The following PLBD1 variants were observed in gnomAD, a reference collection of about 807,000 sequenced individuals.
PLBD1 encodes lysosomal leucine aminopeptidase.
PLBD1 carries 60 observed loss-of-function variants against 63.0 expected under a neutral mutation model. The observed-to-expected ratio is 0.95, with a 90% CI of 0.77 to 1.18. The LOEUF is 1.18. Among genes scored for constraint, PLBD1 ranks in the 50% most tolerant of loss-of-function variants. The pLI, the probability that PLBD1 is intolerant of heterozygous loss-of-function variation, is 0.00. For synonymous variants in PLBD1, 262 were observed against 248.0 expected, an observed-to-expected ratio of 1.06 and a Z score of -0.53; for missense variants, 598 against 677.9, an observed-to-expected ratio of 0.88 and a Z score of 1.31.
At chr12:14,506,314 GAC>G (rs751593849) in intron 9 of PLBD1, 46 bp from the exon 10 acceptor site, 2 of 1,365,216 alleles carry the variant, frequency 1.5e-6, no homozygotes, top group East Asian at 2.3e-5. Flanking sequence ...GCTATTTGGA[GAC>G]ACACTTCTCC....
At chr12:14,548,998 G>A (rs1364303146) in intron 2 of PLBD1, among the ~76,000 whole-genome samples, 1 of 152,192 alleles carries the variant, frequency 6.6e-6, no homozygotes. Context: ...TTATTTAACA[G>A]TCTTTATATC....
chr12:14,555,411 C>T (rs542816250), intron 1 of PLBD1, among the ~76,000 whole-genome samples: 2 of 152,236 alleles, frequency 1.3e-5, no homozygotes, highest in East Asian at 3.9e-4. Flanking sequence ...GTGGTGTGCG[C>T]CTGTAATCCC....
At chr12:14,530,423 C>T (rs563684903) in intron 6 of PLBD1, among the ~76,000 whole-genome samples, 9 of 152,138 alleles carry the variant, frequency 5.9e-5, no homozygotes, top group Non-Finnish European at 1.0e-4. Context: ...TTGTTTTTAG[C>T]CACTAATGTT....
Position 14,553,195 on chromosome 12 carries a change from G to A in PLBD1, c.333C>T (p.Ala111=). 3 of 1,608,146 alleles carry A rather than the reference G, an allele frequency of 1.9e-6. No homozygotes were observed. The highest frequency in any genetic ancestry group is 2.5e-6 in the Non-Finnish European group (3 of 1,177,472). ...TCTACCATGACTGGGATACTTACGG[G>A]GCAGTGAGGTAACCCTCCAAAAAGC... The part of the protein sequence containing the change: ...VAGFLEGYLT[A]PHMNDHYTNL... The change falls in exon 2 of 11, where the codon GCC becomes GCT. Residue 111 remains alanine, a splice_region_variant and synonymous_variant. Transcript: ENST00000240617.
In PLBD1 at chr12:14,567,843, G is replaced by C. The variant is rs1945808408; in HGVS notation, c.-147C>G. On this transcript the variant is annotated 5_prime_UTR_variant, in exon 1 of 11. Transcript: ENST00000240617. ...TCAACTTTCCTCTTTCTTGAGCCCG[G>C]CCTGCTCCGGGCTCTGAGGGGCGAG... is the stretch of plus-strand genomic sequence containing the variant. 1.7e-6 allele frequency: 2 copies of C among 1,149,272 alleles called. No individual in the cohort carries two copies. Among genetic ancestry groups the C allele is most frequent in the East Asian group, 6.5e-5 (2 of 30,844 alleles). The allele number at this position is 1,149,272 out of a possible 1,614,324, so 71.2% of individuals were successfully genotyped here. A position where few individuals can be genotyped will look rare whatever the true frequency, so the allele number is the denominator to read the frequency against.
At chr12:14,534,210 T>TG (rs1945491212) in intron 6 of PLBD1, among the ~76,000 whole-genome samples, 1 of 152,138 alleles carries the variant, frequency 6.6e-6, no homozygotes, top group African/African-American at 2.4e-5. Flanking sequence ...TAGATAGATA[T>TG]GACAGGTGGT....
At chr12:14,567,454 G>C in intron 1 of PLBD1, 128 bp downstream of exon 1, 1 of 1,297,996 alleles carries the variant, frequency 7.7e-7, no homozygotes, top group Non-Finnish European at 9.9e-7. Flanking sequence ...CCGGAGGCGC[G>C]TTTCTCTGAG....
chr12:14,518,946 A>G (rs1390170525), intron 6 of PLBD1, among the ~76,000 whole-genome samples: 1 of 152,224 alleles, frequency 6.6e-6, no homozygotes, highest in East Asian at 1.9e-4. Context: ...AGCCAAAAAA[A>G]AAATGCTCGT....
chr12:14,525,288 A>C (rs1244058449), intron 6 of PLBD1, among the ~76,000 whole-genome samples: 1 of 152,078 alleles, frequency 6.6e-6, no homozygotes, highest in Non-Finnish European at 1.5e-5. Context: ...ATAAAATAAA[A>C]TAAACAAAAA....
At chr12:14,548,133 A>G (rs1945629280) in intron 2 of PLBD1, among the ~76,000 whole-genome samples, 1 of 152,114 alleles carries the variant, frequency 6.6e-6, no homozygotes, top group Non-Finnish European at 1.5e-5. Context: ...TTAAGTTACA[A>G]ATAATTACAA....
chr12:14,554,463 T>C (rs1303847645), intron 1 of PLBD1, among the ~76,000 whole-genome samples: 1 of 152,196 alleles, frequency 6.6e-6, no homozygotes, highest in Non-Finnish European at 1.5e-5. Context: ...CTAGAATCTC[T>C]CACTCCCTTC....
intron 6 of PLBD1, among the ~76,000 whole-genome samples, chr12:14,531,411 T>C (rs920224836): frequency 5.9e-5 from 9 of 152,190 alleles, no homozygotes; most frequent in Non-Finnish European, 1.5e-5. Flanking sequence ...CATCTACCAC[T>C]CTACCTGTGA....
In PLBD1 at chr12:14,567,862, G is replaced by A; in HGVS notation, c.-166C>T. 1 of 964,306 alleles carries A rather than the reference G, an allele frequency of 1.0e-6. No homozygotes were observed. Among genetic ancestry groups the A allele is most frequent in the East Asian group, 3.3e-5 (1 of 29,874 alleles). The allele number at this position is 964,306 out of a possible 1,614,324, so 59.7% of individuals were successfully genotyped here. A position where few individuals can be genotyped will look rare whatever the true frequency, so the allele number is the denominator to read the frequency against. The stretch of plus-strand genomic sequence containing the variant: ...AGCCCGGCCTGCTCCGGGCTCTGAG[G>A]GGCGAGGACGCTTCACGTGGTGGCC... On this transcript the variant is annotated 5_prime_UTR_variant, in exon 1 of 11. Coordinates refer to ENST00000240617, the MANE Select transcript of PLBD1 (RefSeq NM_024829.6).
chr12:14,538,342 C>A (rs1269523416), intron 4 of PLBD1, among the ~76,000 whole-genome samples: 1 of 4,876 alleles, frequency 2.1e-4, no homozygotes, highest in East Asian at 0.25. Flanking sequence ...TACAGGTGCC[C>A]GCCCCATGTC....
At chr12:14,564,187 C>T (rs1565582595) in intron 1 of PLBD1, among the ~76,000 whole-genome samples, 2 of 152,070 alleles carry the variant, frequency 1.3e-5, no homozygotes, top group Non-Finnish European at 2.9e-5. Flanking sequence ...GCCTGGGTGA[C>T]AGAGCAAGGC....
At chr12:14,547,291 G>A (rs1479582369) in intron 2 of PLBD1, among the ~76,000 whole-genome samples, 1 of 151,802 alleles carries the variant, frequency 6.6e-6, no homozygotes, top group African/African-American at 2.4e-5. Context: ...GATGAGAAGT[G>A]GGGGCCTCAG....
intron 6 of PLBD1, among the ~76,000 whole-genome samples, chr12:14,516,024 G>A (rs542974364): frequency 4.9e-4 from 73 of 150,280 alleles, no homozygotes; most frequent in African/African-American, 1.8e-3. Flanking sequence ...GCAACAGAGC[G>A]AGACTCCATC....
chr12:14,517,978 C>T (rs978590723), intron 6 of PLBD1, among the ~76,000 whole-genome samples: 3 of 152,050 alleles, frequency 2.0e-5, no homozygotes, highest in Non-Finnish European at 2.9e-5. Flanking sequence ...GCCAGGAGTT[C>T]GAGACCAGCC....
chr12:14,510,629 GA>G lies in PLBD1; in HGVS notation c.1186+630del, dbSNP rs528138914. ...ATTCAGTTTTATAGATGAGGAAAAT[GA>G]GGCTTGGAGAGATTCACTAATTTGC... On this transcript the variant is annotated intron_variant, in intron 8 of 10. Coordinates refer to ENST00000240617, the MANE Select transcript of PLBD1 (RefSeq NM_024829.6). Among the ~76,000 whole-genome samples the G allele has an allele frequency of 4.3e-4, 66 of 152,344 alleles. No individual in the cohort carries two copies. The Middle Eastern group carries it at 0.01, about 24-fold the overall frequency.
Sources: gnomAD v4.1 joint callset for allele counts (sites outside exome capture counted in the v4.1 genomes callset) on GRCh38, gnomAD v4.1.1 for gene constraint, MANE v1.5 for transcripts, NCBI Gene and HGNC (gene_info 2026-07-23, HGNC 2026-07-21) for gene names.